ADGRL2: variants seen among roughly 807,000 people sequenced by gnomAD.
ADGRL2 encodes the protein calcium-independent alpha-latrotoxin receptor 2.
In ADGRL2, 44 loss-of-function variants were observed where a neutral mutation model predicts 157.4. The ratio of observed to expected loss-of-function variants is 0.28; its 90% CI spans 0.22 to 0.36. The LOEUF (loss-of-function observed/expected upper bound fraction) is 0.36, where lower values mean the gene tolerates loss of function less well. ADGRL2 is among the 10% of genes least tolerant of loss of function. The pLI is 1.00. For missense variants in ADGRL2, 1,510 were observed against 1,768.9 expected (o/e 0.85, Z 2.63); for synonymous variants, 585 against 624.7 (o/e 0.94, Z 0.95).
At chr1:81,699,849 G>A (rs934479613) in intron 1 of ADGRL2, 1 of 152,196 alleles carries the variant, frequency 6.6e-6, no homozygotes, top group Non-Finnish European at 1.5e-5. Flanking sequence ...ATTAAAGTCA[G>A]AGTATAAAGA....
chr1:81,710,220 G>A (rs961596088), intron 1 of ADGRL2, among the ~76,000 whole-genome samples: 2 of 152,012 alleles, frequency 1.3e-5, no homozygotes, highest in Non-Finnish European at 1.5e-5. Flanking sequence ...AGCACCTCAC[G>A]AGTCTCAGGT....
At chr1:81,564,932 G>C (rs2080525876) in intron 2 of ADGRL2, among the ~76,000 whole-genome samples, 1 of 152,182 alleles carries the variant, frequency 6.6e-6, no homozygotes, top group African/African-American at 2.4e-5. Flanking sequence ...GAATGAACAT[G>C]CCAACCTCCA....
chr1:81,854,234 A>G (rs12746231), intron 2 of ADGRL2, among the ~76,000 whole-genome samples: 20,914 of 152,202 alleles, frequency 0.14, 1,634 homozygotes, highest in East Asian at 0.2. Flanking sequence ...AGCCATTCAC[A>G]TTACAGGGAT....
intron 3 of ADGRL2, among the ~76,000 whole-genome samples, chr1:81,925,410 A>T (rs1018184510): frequency 1.3e-5 from 2 of 152,032 alleles, no homozygotes; most frequent in African/African-American, 4.8e-5. Flanking sequence ...AGGAAGAAAA[A>T]TTACTTTAAA....
At chr1:81,535,439 G>C (rs1171770448) in intron 2 of ADGRL2, among the ~76,000 whole-genome samples, 1 of 152,060 alleles carries the variant, frequency 6.6e-6, no homozygotes, top group African/African-American at 2.4e-5. Flanking sequence ...AAGTGTGTGA[G>C]TGTGCCGACA....
chr1:81,708,124 A>G (rs1442542087), intron 1 of ADGRL2, among the ~76,000 whole-genome samples: 3 of 152,210 alleles, frequency 2.0e-5, no homozygotes, highest in Non-Finnish European at 4.4e-5. Flanking sequence ...GTGTACATAT[A>G]CACAAACACA....
chr1:81,382,600 G>A (rs1028708542), intron 1 of ADGRL2, among the ~76,000 whole-genome samples: 2 of 152,176 alleles, frequency 1.3e-5, no homozygotes, highest in African/African-American at 4.8e-5. Flanking sequence ...GGTGGGGGAA[G>A]CAGAGGCAAA....
chr1:81,969,309 T>C lies in ADGRL2; in HGVS notation c.2655T>C (p.Thr885=), dbSNP rs764510724. The C allele has an allele frequency of 6.2e-7, 1 of 1,613,994 alleles. No individual in the cohort carries two copies. The highest frequency in any genetic ancestry group is 1.7e-5 in the Admixed American group (1 of 60,024). The change falls in exon 15 of 24, where the codon ACT becomes ACC. Residue 885 remains threonine, a synonymous_variant. Coordinates refer to ENST00000686636, the MANE Select transcript of ADGRL2 (RefSeq NM_001366006.2). The stretch of plus-strand genomic sequence containing the variant: ...GTGGCCTACAGAGTGACCGAAATAC[T>C]ATTCACAAGAACCTTTGTATCAACC... ...FFRGLQSDRN[T]IHKNLCINLF...
At chr1:81,677,908 T>C (rs771776496) in intron 3 of ADGRL2, among the ~76,000 whole-genome samples, 7 of 152,200 alleles carry the variant, frequency 4.6e-5, no homozygotes, top group Non-Finnish European at 1.0e-4. Flanking sequence ...AACATCATCT[T>C]CTACCATTTC....
intron 3 of ADGRL2, 63 bp from the exon 4 acceptor site, chr1:81,936,665 A>G: frequency 1.1e-6 from 1 of 947,494 alleles, no homozygotes. Context: ...CTTCTATGTT[A>G]TATTTAAGTG....
At chr1:81,988,736 G>A (rs1262364903) in intron 23 of ADGRL2, among the ~76,000 whole-genome samples, 1 of 151,974 alleles carries the variant, frequency 6.6e-6, no homozygotes, top group Non-Finnish European at 1.5e-5. Flanking sequence ...ATATTTATTG[G>A]TCATGAAGTT....
At chr1:81,895,278 C>T (rs902881468) in intron 2 of ADGRL2, among the ~76,000 whole-genome samples, 7 of 151,758 alleles carry the variant, frequency 4.6e-5, no homozygotes, top group African/African-American at 1.5e-4. Context: ...AACTTTATAC[C>T]TTTAGAGTTT....
chr1:81,989,940 A>G lies in ADGRL2; in HGVS notation c.3656-451A>G, dbSNP rs550480918. 13 of 985,282 alleles carry G rather than the reference A, an allele frequency of 1.3e-5. No individual in the cohort carries two copies. In the South Asian group the frequency reaches 5.6e-4, roughly 43 times the overall value. 61.0% of individuals were successfully genotyped at this position (985,282 alleles called of 1,614,324 possible). A position where few individuals can be genotyped will look rare whatever the true frequency, so the allele number is the denominator to read the frequency against. ...TTGTACATTTGCCTTTCAGTTTTGT[A>G]TTGTGACTTACTCCTTTTTAATTTA... is the stretch of plus-strand genomic sequence containing the variant. On this transcript the variant is annotated intron_variant, in intron 23 of 23. Coordinates refer to ENST00000686636, the MANE Select transcript of ADGRL2 (RefSeq NM_001366006.2).
intron 1 of ADGRL2, among the ~76,000 whole-genome samples, chr1:81,315,679 A>C (rs1660054770): frequency 6.6e-6 from 1 of 152,124 alleles, no homozygotes; most frequent in Admixed American, 6.6e-5. Context: ...ACAGACACTA[A>C]GAGCCCATGC....
intron 2 of ADGRL2, among the ~76,000 whole-genome samples, chr1:81,504,861 G>T (rs2078936399): frequency 6.6e-6 from 1 of 152,186 alleles, no homozygotes; most frequent in Non-Finnish European, 1.5e-5. Context: ...GCCGCCCCAG[G>T]GTATGAGGAG....
chr1:81,722,965 C>T (rs1261829912), intron 1 of ADGRL2: 5 of 771,086 alleles, frequency 6.5e-6, no homozygotes, highest in African/African-American at 1.7e-5. Flanking sequence ...TTATGGTGGC[C>T]TTCCAGGATG....
chr1:81,491,501 A>G (rs1161428545), intron 2 of ADGRL2, among the ~76,000 whole-genome samples: 1 of 152,206 alleles, frequency 6.6e-6, no homozygotes, highest in Non-Finnish European at 1.5e-5. Flanking sequence ...GAGACACATA[A>G]TTCTAGAATA....
At chr1:81,595,542 C>G (rs1412734537) in intron 3 of ADGRL2, among the ~76,000 whole-genome samples, 1 of 152,106 alleles carries the variant, frequency 6.6e-6, no homozygotes, top group Non-Finnish European at 1.5e-5. Context: ...GGCAGTCAAC[C>G]ACATGCTAAA....
At chr1:81,372,579 C>T (rs902829417) in intron 1 of ADGRL2, among the ~76,000 whole-genome samples, 7 of 152,140 alleles carry the variant, frequency 4.6e-5, no homozygotes, top group African/African-American at 1.2e-4. Flanking sequence ...GCTTCCTTTG[C>T]TTATGGCTCT....
Sources: allele counts gnomAD v4.1 joint callset (sites outside exome capture counted in the v4.1 genomes callset), GRCh38; gene constraint gnomAD v4.1.1; transcripts MANE v1.5; gene names NCBI Gene and HGNC (gene_info 2026-07-23, HGNC 2026-07-21).